The following CRADD variants were observed in gnomAD, a reference collection of about 807,000 sequenced individuals.
CRADD encodes CARD and death domain containing adaptor protein.
A neutral mutation model predicts 15.5 loss-of-function variants in CRADD; 9 were observed. The observed-to-expected ratio is 0.58, with a 90% CI of 0.35 to 1.01. The LOEUF (loss-of-function observed/expected upper bound fraction) is 1.01, where lower values mean the gene tolerates loss of function less well. CRADD is among the 50% of genes least tolerant of loss of function. CRADD has a pLI of 0.02. For missense variants in CRADD, 227 were observed against 250.3 expected (o/e 0.91, Z 0.63); for synonymous variants, 118 against 107.6 (o/e 1.10, Z -0.60).
intron 2 of CRADD, among the ~76,000 whole-genome samples, chr12:93,783,242 A>C (rs1957232885): frequency 6.8e-6 from 1 of 146,162 alleles, no homozygotes. Context: ...TATTATTATT[A>C]TTATTATTAT....
rs77246080 is a variant in CRADD at position 93,807,855 on chromosome 12, C to G, written c.299-42115C>G. Among the ~76,000 whole-genome samples, 719 of 151,834 alleles carry G rather than the reference C, an allele frequency of 4.7e-3. 5 individuals are homozygous for G. The highest frequency in any genetic ancestry group is 0.017 in the African/African-American group (695 of 41,424). On this transcript the variant is annotated intron_variant, in intron 2 of 2. Coordinates refer to ENST00000332896, the MANE Select transcript of CRADD (RefSeq NM_003805.5). ...CTATGTGCTAGGCACTGTTTAGGTA[C>G]TTGGTTTACATTGGAAAACAGGCCT...
At chr12:93,701,967 T>C (rs1263178370) in intron 2 of CRADD, among the ~76,000 whole-genome samples, 1 of 152,146 alleles carries the variant, frequency 6.6e-6, no homozygotes, top group Non-Finnish European at 1.5e-5. Flanking sequence ...GATTTTTTTT[T>C]TTCTTTGAAC....
chr12:93,726,223 C>T (rs981874517), intron 2 of CRADD, among the ~76,000 whole-genome samples: 1 of 150,814 alleles, frequency 6.6e-6, no homozygotes, highest in Non-Finnish European at 1.5e-5. Context: ...CCTGTCTCAG[C>T]CTGCCAAGTA....
intron 2 of CRADD, among the ~76,000 whole-genome samples, chr12:93,775,029 G>A (rs1194476182): frequency 6.6e-6 from 1 of 152,320 alleles, no homozygotes; most frequent in Non-Finnish European, 1.5e-5. Flanking sequence ...TGTAGTTGGT[G>A]CAAATCACCT....
At chr12:93,698,795 T>C (rs1217206794) in intron 2 of CRADD, among the ~76,000 whole-genome samples, 1 of 152,214 alleles carries the variant, frequency 6.6e-6, no homozygotes, top group East Asian at 1.9e-4. Context: ...GAAAAGAAGA[T>C]TACATGATGT....
At chr12:93,734,755 T>C (rs1406241915) in intron 2 of CRADD, among the ~76,000 whole-genome samples, 1 of 152,196 alleles carries the variant, frequency 6.6e-6, no homozygotes, top group Non-Finnish European at 1.5e-5. Context: ...GGTATTGTGT[T>C]CTTTCCAGCT....
intron 2 of CRADD, among the ~76,000 whole-genome samples, chr12:93,731,284 T>C (rs1239210410): frequency 1.3e-5 from 2 of 152,232 alleles, no homozygotes; most frequent in East Asian, 3.8e-4. Context: ...AAATATATAC[T>C]ATAATTTTCT....
At chr12:93,678,317 C>T (rs1955204596) in intron 1 of CRADD, among the ~76,000 whole-genome samples, 1 of 152,160 alleles carries the variant, frequency 6.6e-6, no homozygotes, top group Admixed American at 6.5e-5. Flanking sequence ...AAAAGGGGAC[C>T]TGCGTCCACC....
chr12:93,855,126 T>C (rs1958261778), downstream of CRADD, among the ~76,000 whole-genome samples: 1 of 151,626 alleles, frequency 6.6e-6, no homozygotes, highest in Non-Finnish European at 1.5e-5. Flanking sequence ...ACCCAGGAGA[T>C]GGAGGTTGCA....
intron 2 of CRADD, among the ~76,000 whole-genome samples, chr12:93,727,614 G>T (rs1274804111): frequency 6.6e-6 from 1 of 152,144 alleles, no homozygotes; most frequent in Admixed American, 6.5e-5. Context: ...TAGTAACTCA[G>T]CTGGACACTG....
intron 2 of CRADD, among the ~76,000 whole-genome samples, chr12:93,873,671 T>C (rs1301075653): frequency 1.3e-5 from 2 of 152,148 alleles, no homozygotes; most frequent in Non-Finnish European, 2.9e-5. Context: ...GAAATGATCA[T>C]ATAGTTTTTA....
chr12:93,704,623 GC>G (rs1955905588), intron 2 of CRADD, among the ~76,000 whole-genome samples: 1 of 152,140 alleles, frequency 6.6e-6, no homozygotes, highest in Non-Finnish European at 1.5e-5. Context: ...GGCAATCAGA[GC>G]CATCTTTTAA....
At chr12:93,713,939 C>G (rs796798890) in intron 2 of CRADD, among the ~76,000 whole-genome samples, 2 of 152,182 alleles carry the variant, frequency 1.3e-5, no homozygotes, top group African/African-American at 2.4e-5. Flanking sequence ...AACTTGACAC[C>G]TCTCTCAGGA....
At chr12:93,725,082 G>A (rs891626576) in intron 2 of CRADD, among the ~76,000 whole-genome samples, 2 of 151,956 alleles carry the variant, frequency 1.3e-5, no homozygotes, top group African/African-American at 2.4e-5. Flanking sequence ...GGATGGTCTC[G>A]ATCTCCTGAC....
intron 2 of CRADD, among the ~76,000 whole-genome samples, chr12:93,880,759 C>T (rs897548740): frequency 3.9e-5 from 6 of 152,216 alleles, no homozygotes; most frequent in African/African-American, 1.4e-4. Context: ...TTCTTTGGAA[C>T]CCAAAAGATC....
intron 2 of CRADD, among the ~76,000 whole-genome samples, chr12:93,735,059 G>A (rs1039247060): frequency 6.6e-6 from 1 of 152,128 alleles, no homozygotes; most frequent in African/African-American, 2.4e-5. Context: ...AAGCTCCATG[G>A]GGGCAGAACA....
At chr12:93,881,426 C>CA (rs537773962) in intron 2 of CRADD, among the ~76,000 whole-genome samples, 4 of 99,332 alleles carry the variant, frequency 4.0e-5, no homozygotes, top group Non-Finnish European at 5.9e-5. Flanking sequence ...CTGCAGCTCT[C>CA]AAAAAAAAAG....
intron 2 of CRADD, among the ~76,000 whole-genome samples, chr12:93,730,242 C>T (rs573519288): frequency 7.9e-5 from 12 of 152,234 alleles, no homozygotes; most frequent in Non-Finnish European, 1.8e-4. Flanking sequence ...CAGCCCAGGG[C>T]TGTCTGCCTC....
intron 2 of CRADD, among the ~76,000 whole-genome samples, chr12:93,776,544 C>CA (rs1289301324): frequency 6.6e-6 from 1 of 152,098 alleles, no homozygotes; most frequent in Non-Finnish European, 1.5e-5. Context: ...GAAGAGGAGA[C>CA]AAAGAGCAGA....
Sources: allele counts gnomAD v4.1 joint callset (sites outside exome capture counted in the v4.1 genomes callset), GRCh38; gene constraint gnomAD v4.1.1; transcripts MANE v1.5; gene names NCBI Gene and HGNC (gene_info 2026-07-23, HGNC 2026-07-21).